PDP1: variants seen among roughly 807,000 people sequenced by gnomAD.
PDP1 encodes the protein pyruvate dehydrogenase phosphatase catalytic subunit 1.
A neutral mutation model predicts 37.1 loss-of-function variants in PDP1; 14 were observed. The observed-to-expected ratio is 0.38, with a 90% CI of 0.25 to 0.59. The LOEUF (loss-of-function observed/expected upper bound fraction) is 0.59, where lower values mean the gene tolerates loss of function less well. Among genes scored for constraint, PDP1 ranks in the 20% least tolerant of loss-of-function variants. The pLI is 0.67. For synonymous variants in PDP1, 251 were observed against 243.3 expected (o/e 1.03, Z -0.29); for missense variants, 544 against 655.3 (o/e 0.83, Z 1.85).
rs750548247 is a variant in PDP1, at chr8:93,923,149, C to T, written c.1090C>T (p.Leu364Phe). Residue 364 changes from leucine to phenylalanine, a missense_variant, in exon 2 of 2, where the codon CTT becomes TTT. Physicochemically the swap from Leu to Phe is conservative, Grantham distance 22. This residue lies in a region of PDP1 where 35 missense variants were observed against 36.1 expected (regional missense o/e 0.97). Transcript: ENST00000297598. This position sits in a 1 kb window ranked among gnomAD's most constrained non-coding sequence, Gnocchi z 4.3. ...GDVKFKWSIDLQKRVIESGPD... is the reference protein window; with the variant it reads ...GDVKFKWSIDFQKRVIESGPD... ...TGTAAAGTTCAAATGGAGCATTGAC[C>T]TTCAAAAGAGAGTGATAGAATCTGG... 1 of 1,614,068 alleles carries T rather than the reference C, an allele frequency of 6.2e-7. No homozygotes were observed. The highest frequency in any genetic ancestry group is 1.3e-5 in the African/African-American group (1 of 74,928).
chr8:93,920,195 T>C (rs1456082011), intron 1 of PDP1, among the ~76,000 whole-genome samples: 1 of 152,224 alleles, frequency 6.6e-6, no homozygotes, highest in Non-Finnish European at 1.5e-5. Context: ...GCTTATGCAG[T>C]GCTTATTACA....
chr8:93,922,414 G>A lies in PDP1; in HGVS notation c.355G>A (p.Ala119Thr). 6.2e-7 allele frequency: 1 copy of A among 1,614,124 alleles called. No individual in the cohort carries two copies. The highest frequency in any genetic ancestry group is 8.5e-7 in the Non-Finnish European group (1 of 1,179,940). ...TGGATTTGACAGCAATCAGCTGCCT[G>A]CAAATGCACCCATTGAGGACCGGAG... ...ILGFDSNQLP[A>T]NAPIEDRRSA... Residue 119 changes from alanine (A) to threonine (T), a missense_variant, in exon 2 of 2, where the codon GCA becomes ACA. Physicochemically the swap from Ala to Thr is moderately conservative, Grantham distance 58 (BLOSUM62 0). This residue lies in a region of PDP1 where 342 missense variants were observed against 414.0 expected (regional missense o/e 0.83). Coordinates refer to ENST00000297598, the MANE Select transcript of PDP1 (RefSeq NM_018444.4). The surrounding 1 kb of genome is among the most constrained non-coding windows in gnomAD (Gnocchi z 4.0).
At chr8:93,919,501 C>CA (rs1390544055) in intron 1 of PDP1, among the ~76,000 whole-genome samples, 8 of 135,552 alleles carry the variant, frequency 5.9e-5, no homozygotes, top group Non-Finnish European at 7.9e-5. Flanking sequence ...CTCCCTCCCC[C>CA]CCCCCGGCAA....
intron 1 of PDP1, chr8:93,919,086 T>A: frequency 1.1e-6 from 1 of 930,710 alleles, no homozygotes; most frequent in Non-Finnish European, 1.3e-6. Flanking sequence ...TTTTTGTTTT[T>A]AATCTCAAGA....
At chr8:93,918,401 G>C (rs1488480943) in intron 1 of PDP1, among the ~76,000 whole-genome samples, 1 of 152,178 alleles carries the variant, frequency 6.6e-6, no homozygotes, top group African/African-American at 2.4e-5. Flanking sequence ...AATAGCATTT[G>C]CTAATTAATT....
intron 1 of PDP1, among the ~76,000 whole-genome samples, chr8:93,919,308 G>T (rs1385600209): frequency 6.6e-6 from 1 of 152,170 alleles, no homozygotes; most frequent in Non-Finnish European, 1.5e-5. Context: ...CGGGTGGATG[G>T]CCTGAGGTCA....
intron 1 of PDP1, 183 bp downstream of exon 1, chr8:93,917,262 T>G (rs954972166): frequency 8.5e-5 from 1 of 11,722 alleles, no homozygotes. Flanking sequence ...GTGGCGGCGC[T>G]GGGGGCCGTC....
Position 93,923,992 on chromosome 8 carries a change from C to A in PDP1, c.*319C>A. ...CTGGCAAATAAGATCTTGAATAGGC[C>A]AAAAGCAAGTATCTTGCTGTGTGTA... On this transcript the variant is annotated 3_prime_UTR_variant, in exon 2 of 2. Coordinates refer to ENST00000297598, the MANE Select transcript of PDP1 (RefSeq NM_018444.4). This position sits in a 1 kb window ranked among gnomAD's most constrained non-coding sequence, Gnocchi z 4.3. The A allele has an allele frequency of 2.7e-6, 1 of 372,612 alleles. No individual in the cohort carries two copies. The highest frequency in any genetic ancestry group is 2.4e-5 in the South Asian group (1 of 42,534). The allele number at this position is 372,612 out of a possible 1,614,324, so 23.1% of individuals were successfully genotyped here.
Position 93,925,321 on chromosome 8 carries a change from G to GT in PDP1, c.*1661dup, listed in dbSNP as rs60316663. 0.1 allele frequency: 15,458 copies of GT among 150,044 alleles called. 859 individuals are homozygous for GT. The highest frequency in any genetic ancestry group is 0.15 in the Non-Finnish European group (9,478 of 64,442). 9.3% of individuals were successfully genotyped at this position (150,044 alleles called of 1,614,324 possible). The stretch of plus-strand genomic sequence containing the variant: ...GAGGTGTTTTTGTTTTTATTTGTGT[G>GT]TTTTTTTTTTTTTAAGTCAGCTTGG... On this transcript the variant is annotated 3_prime_UTR_variant, in exon 2 of 2. Coordinates refer to ENST00000297598, the MANE Select transcript of PDP1 (RefSeq NM_018444.4).
rs1237734492 is a variant in PDP1 at position 93,919,501 on chromosome 8, C to T, written c.-45+2422C>T. On this transcript the variant is annotated intron_variant, in intron 1 of 1. Coordinates refer to ENST00000297598, the MANE Select transcript of PDP1 (RefSeq NM_018444.4). ...CCTCCCCCCGCTGCCCTCCCTCCCC[C>T]CCCCCGGCAAAAAAATGTCGAAGCA... Among the ~76,000 whole-genome samples the T allele has an allele frequency of 9.7e-3, 1,320 of 135,662 alleles. 25 individuals carry two copies. The highest frequency in any genetic ancestry group is 0.033 in the African/African-American group (1,222 of 37,158). 89.0% of individuals were successfully genotyped at this position (135,662 alleles called of 152,430 possible).
chr8:93,920,561 A>G (rs528240131), intron 1 of PDP1: 1 of 926,556 alleles, frequency 1.1e-6, no homozygotes, highest in East Asian at 1.2e-4. Flanking sequence ...TAGATTAATG[A>G]TATATTCATT....
chr8:93,922,695 G>C lies in PDP1; in HGVS notation c.636G>C (p.Leu212Phe). 1 of 1,614,168 alleles carries C rather than the reference G, an allele frequency of 6.2e-7. No individual in the cohort carries two copies. The highest frequency in any genetic ancestry group is 8.5e-7 in the Non-Finnish European group (1 of 1,180,028). ...KEASKLYFNS[L>F]RTYWQELIDL... ...CATCCAAATTGTACTTTAACAGCTT[G>C]AGGACTTACTGGCAAGAGCTTATAG... The change falls in exon 2 of 2, where the codon TTG becomes TTC. Residue 212 changes from leucine to phenylalanine, a missense_variant. Leu to Phe is a conservative substitution (Grantham distance 22). Coordinates refer to ENST00000297598, the MANE Select transcript of PDP1 (RefSeq NM_018444.4). This position sits in a 1 kb window ranked among gnomAD's most constrained non-coding sequence, Gnocchi z 4.0.
At chr8:93,917,874 G>GGTTGTGGATGTTGTCGGCTCCGT (rs781457894) in intron 1 of PDP1, 2 of 1,613,938 alleles carry the variant, frequency 1.2e-6, no homozygotes, top group Admixed American at 3.3e-5. Context: ...TGCCCGCGCG[G>GGTTGTGGATGTTGTCGGCTCCGT]GTTGTGGATG....
intron 1 of PDP1, chr8:93,918,039 T>A: frequency 7.2e-7 from 1 of 1,391,704 alleles, no homozygotes; most frequent in Non-Finnish European, 1.0e-6. Context: ...AGCGTGGTAT[T>A]AAGGGATGAG....
intron 1 of PDP1, chr8:93,919,080 T>G: frequency 1.2e-6 from 1 of 845,972 alleles, no homozygotes; most frequent in Non-Finnish European, 1.4e-6. Context: ...TCTCATTTTT[T>G]GTTTTTAATC....
intron 1 of PDP1, chr8:93,921,190 C>T (rs1313546840): frequency 1.0e-6 from 1 of 980,102 alleles, no homozygotes; most frequent in East Asian, 1.1e-4. Context: ...CTAGAAGAGC[C>T]TTAGATAGCA....
At position 93,922,157 on chromosome 8, in the gene PDP1, G is replaced by T; in HGVS notation, c.98G>T (p.Cys33Phe). 6.2e-7 allele frequency: 1 copy of T among 1,614,170 alleles called. No individual in the cohort carries two copies. Among genetic ancestry groups the T allele is most frequent in the Non-Finnish European group, 8.5e-7 (1 of 1,180,036 alleles). ...TACYCHHKHL[C>F]CSSSYIPQSR... Reference sequence around the variant, plus strand: ...TGTTACTGCCACCACAAACATCTCTGTTGTTCCTCATCGTACATTCCTCAG... The same window carrying T: ...TGTTACTGCCACCACAAACATCTCTTTTGTTCCTCATCGTACATTCCTCAG... The change falls in exon 2 of 2, where the codon TGT becomes TTT. Residue 33 changes from cysteine to phenylalanine, a missense_variant. Cys to Phe is a radical substitution (Grantham distance 205). Coordinates refer to ENST00000297598, the MANE Select transcript of PDP1 (RefSeq NM_018444.4). This position sits in a 1 kb window ranked among gnomAD's most constrained non-coding sequence, Gnocchi z 4.0.
intron 1 of PDP1, chr8:93,921,809 G>T (rs182274654): frequency 1.4e-5 from 7 of 504,520 alleles, no homozygotes; most frequent in African/African-American, 1.2e-4. Context: ...GAGTTCAGTC[G>T]TGGTTCCACG....
In PDP1 at chr8:93,923,637, T is replaced by G; in HGVS notation, c.1578T>G (p.Asn526Lys). 4 of 1,614,154 alleles carry G rather than the reference T, an allele frequency of 2.5e-6. No individual in the cohort carries two copies. The highest frequency in any genetic ancestry group is 3.4e-6 in the Non-Finnish European group (4 of 1,180,036). The stretch of plus-strand genomic sequence containing the variant: ...TTACAATCATTGTAGTTCAGTTCAA[T>G]TCTCATGTTGTAGGGGCGTATCAAA... ...DDITIIVVQF[N>K]SHVVGAYQNQ... The change falls in exon 2 of 2, where the codon AAT (asparagine) becomes AAG (lysine). Residue 526 changes from asparagine (N) to lysine (K), a missense_variant. This residue lies in a region of PDP1 where 159 missense variants were observed against 165.5 expected (regional missense o/e 0.96). Coordinates refer to ENST00000297598, the MANE Select transcript of PDP1 (RefSeq NM_018444.4). This position sits in a 1 kb window ranked among gnomAD's most constrained non-coding sequence, Gnocchi z 4.3.
Sources: gnomAD v4.1 joint callset for allele counts (sites outside exome capture counted in the v4.1 genomes callset) on GRCh38, gnomAD v4.1.1 for gene constraint, gnomAD v4.1.1 regional missense constraint, Gnocchi (gnomAD v3.1) non-coding constraint, MANE v1.5 for transcripts, NCBI Gene and HGNC (gene_info 2026-07-23, HGNC 2026-07-21) for gene names.